The following EP300 variants were observed in gnomAD, a reference collection of about 807,000 sequenced individuals.
EP300 encodes the protein EP300 lysine acetyltransferase.
Under a neutral mutation model 264.0 loss-of-function variants are expected in EP300, and 31 were observed. That is an observed-to-expected ratio of 0.12 (90% CI 0.09 to 0.16). The LOEUF (loss-of-function observed/expected upper bound fraction) is 0.16, where lower values mean the gene tolerates loss of function less well. Ranked by LOEUF, EP300 falls within the 10% of genes least tolerant of loss-of-function variation. The pLI is 1.00. For synonymous variants in EP300, 1,340 were observed against 1,045.4 expected (o/e 1.28, Z -5.44); for missense variants, 2,766 against 3,052.9 (o/e 0.91, Z 2.21).
In EP300 at chr22:41,113,748, G is replaced by A. The variant is rs535010723; in HGVS notation, c.95-3439G>A. 5.7e-3 allele frequency among the ~76,000 whole-genome samples: 874 copies of A among 152,178 alleles called. 8 individuals are homozygous for A. The highest frequency in any genetic ancestry group is 6.1e-3 in the Non-Finnish European group (412 of 67,998). Reference sequence around the variant, plus strand: ...TTTTTAGTAGAGATGGGGTTTCACCGTGTTATCCAGGATGGTCTCGATCTC... The same window carrying A: ...TTTTTAGTAGAGATGGGGTTTCACCATGTTATCCAGGATGGTCTCGATCTC... On this transcript the variant is annotated intron_variant, in intron 1 of 30. Transcript: ENST00000263253.
Position 41,166,676 on chromosome 22 carries a change from A to C in EP300, c.3874+10A>C. The C allele has an allele frequency of 6.2e-7, 1 of 1,606,088 alleles. No individual in the cohort carries two copies. Among genetic ancestry groups the C allele is most frequent in the South Asian group, 1.1e-5 (1 of 89,948 alleles). On this transcript the variant is annotated intron_variant, in intron 23 of 30. Coordinates refer to ENST00000263253, the MANE Select transcript of EP300 (RefSeq NM_001429.4). ...AAGTTTTCTGCTAAAAGTAAGTTTT[A>C]TTCTTAAAGGTAAATTTTGGCAAAA...
chr22:41,147,627 A>G lies in EP300; in HGVS notation c.2132-210A>G, dbSNP rs1031945155. ...GTGGCGGACGCCTGTAGTCCCAGCT[A>G]CTCAGGAGGCTGAGGCAGGAGAATG... is the stretch of plus-strand genomic sequence containing the variant. On this transcript the variant is annotated intron_variant, in intron 11 of 30. Coordinates refer to ENST00000263253, the MANE Select transcript of EP300 (RefSeq NM_001429.4). Among the ~76,000 whole-genome samples the G allele has an allele frequency of 3.9e-5, 6 of 152,068 alleles. No homozygotes were observed. The South Asian group carries it at 6.2e-4, about 16-fold the overall frequency.
At position 41,169,488 on chromosome 22, in the gene EP300, C is replaced by T. The variant is rs1243904367; in HGVS notation, c.4173-15C>T. ...GACTTTTTTTTTCCTCTTCATTTCT[C>T]TTCATTTTGTATAGGAGAGTATACA... is the stretch of plus-strand genomic sequence containing the variant. On this transcript the variant is annotated splice_polypyrimidine_tract_variant and intron_variant, in intron 25 of 30. Transcript: ENST00000263253. 1.3e-6 allele frequency: 2 copies of T among 1,549,470 alleles called. No homozygotes were observed. Among genetic ancestry groups the T allele is most frequent in the East Asian group, 2.2e-5 (1 of 44,568 alleles).
At chr22:41,156,640 G>A (rs919689830) in intron 17 of EP300, among the ~76,000 whole-genome samples, 2 of 152,164 alleles carry the variant, frequency 1.3e-5, no homozygotes, top group African/African-American at 4.8e-5. Flanking sequence ...TGAATAGTTT[G>A]AACGACCCTG....
intron 23 of EP300, among the ~76,000 whole-genome samples, chr22:41,167,313 T>G (rs988023646): frequency 6.6e-6 from 1 of 151,982 alleles, no homozygotes; most frequent in Non-Finnish European, 1.5e-5. Context: ...TTCACACCAT[T>G]TATATGGGCT....
intron 1 of EP300, among the ~76,000 whole-genome samples, chr22:41,102,029 C>CTTTTTTTTTTTT (rs5845488): frequency 1.7e-5 from 2 of 119,262 alleles, no homozygotes; most frequent in Non-Finnish European, 3.5e-5. Context: ...TTTTTCTTTT[C>CTTTTTTTTTTTT]TTTTTTTTTT....
At chr22:41,159,224 A>G (rs190899987) in intron 19 of EP300, 2 of 152,478 alleles carry the variant, frequency 1.3e-5, no homozygotes, top group East Asian at 3.9e-4. Context: ...TGATACAATA[A>G]TAACAAGGCT....
rs983647332 is a variant in EP300, at chr22:41,126,383, G to T, written c.906+343G>T. The T allele has an allele frequency of 1.7e-5, 4 of 235,856 alleles. No homozygotes were observed. In the Admixed American group the frequency reaches 2.0e-4, roughly 12 times the overall value. 14.6% of individuals were successfully genotyped at this position (235,856 alleles called of 1,614,324 possible). On this transcript the variant is annotated intron_variant, in intron 3 of 30. Transcript: ENST00000263253. ...TCACTTTTGGGGGAAGGAATCTCTG[G>T]CAAAGGATCCGAACTCTCAGTGACC... is the stretch of plus-strand genomic sequence containing the variant.
At chr22:41,097,835 CA>C (rs1489568773) in intron 1 of EP300, among the ~76,000 whole-genome samples, 1 of 151,780 alleles carries the variant, frequency 6.6e-6, no homozygotes, top group Non-Finnish European at 1.5e-5. Context: ...GCTGGGACTA[CA>C]GGCGCCTGCC....
chr22:41,092,757 T>A lies in EP300; in HGVS notation c.-248T>A. 1 of 614,716 alleles carries A rather than the reference T, an allele frequency of 1.6e-6. No individual in the cohort carries two copies. The highest frequency in any genetic ancestry group is 2.8e-5 in the East Asian group (1 of 35,914). 38.1% of individuals were successfully genotyped at this position (614,716 alleles called of 1,614,324 possible). On this transcript the variant is annotated 5_prime_UTR_variant, in exon 1 of 31. Transcript: ENST00000263253. ...GCGGACGCGCTCGGCGAATTTGTGC[T>A]CTTGTGCCCTCCTCCGGGCTTGGGC... is the stretch of plus-strand genomic sequence containing the variant.
chr22:41,113,994 G>T (rs1164108885), intron 1 of EP300, among the ~76,000 whole-genome samples: 2 of 152,048 alleles, frequency 1.3e-5, no homozygotes, highest in African/African-American at 4.8e-5. Flanking sequence ...TGTTCAGTAT[G>T]CTAATGATAA....
At chr22:41,169,726 G>A in intron 26 of EP300, 110 bp downstream of exon 26, 1 of 706,892 alleles carries the variant, frequency 1.4e-6, no homozygotes, top group Non-Finnish European at 2.5e-6. Flanking sequence ...CCTCATTTTA[G>A]TTCTTACGTA....
rs1048138769 is a variant in EP300 at position 41,169,534 on chromosome 22, C to T, written c.4204C>T (p.His1402Tyr). The change falls in exon 26 of 31, where the codon CAT becomes TAT. Residue 1402 changes from histidine to tyrosine, a missense_variant. Physicochemically the swap from His to Tyr is moderately conservative, Grantham distance 83. Transcript: ENST00000263253. Reference sequence around the variant, plus strand: ...ATACATATCTTACCTCGATAGTGTTCATTTCTTCCGTCCTAAATGCTTGAG... The same window carrying T: ...ATACATATCTTACCTCGATAGTGTTTATTTCTTCCGTCCTAAATGCTTGAG... Reference protein sequence around the residue: ...RVYISYLDSVHFFRPKCLRTA... With the variant: ...RVYISYLDSVYFFRPKCLRTA... 2 of 1,609,182 alleles carry T rather than the reference C, an allele frequency of 1.2e-6. No homozygotes were observed. Among genetic ancestry groups the T allele is most frequent in the African/African-American group, 2.7e-5 (2 of 74,798 alleles).
intron 11 of EP300, 131 bp downstream of exon 11, chr22:41,146,947 G>C (rs573709254): frequency 2.5e-6 from 2 of 804,630 alleles, no homozygotes; most frequent in African/African-American, 1.7e-5. Flanking sequence ...GGAAGAGGGG[G>C]TGAAGAGCAG....
At chr22:41,100,934 C>G (rs992458743) in intron 1 of EP300, among the ~76,000 whole-genome samples, 1 of 151,874 alleles carries the variant, frequency 6.6e-6, no homozygotes, top group African/African-American at 2.4e-5. Context: ...TCTTATATAT[C>G]CTATCATGTA....
rs60023863 is a variant in EP300, at chr22:41,110,117, G to GCCCCC, written c.95-7063_95-7059dup. Among the ~76,000 whole-genome samples the GCCCCC allele has an allele frequency of 4.4e-4, 29 of 65,542 alleles. 2 individuals carry two copies. Among genetic ancestry groups the GCCCCC allele is most frequent in the South Asian group, 2.5e-3 (3 of 1,220 alleles). The allele number at this position is 65,542 out of a possible 152,430, so 43.0% of individuals were successfully genotyped here. A position where few individuals can be genotyped will look rare whatever the true frequency, so the allele number is the denominator to read the frequency against. On this transcript the variant is annotated intron_variant, in intron 1 of 30. Coordinates refer to ENST00000263253, the MANE Select transcript of EP300 (RefSeq NM_001429.4). ...ACCCACTGTGCCCATCCTGTTCCCT[G>GCCCCC]CCCCCCCCCCCTTTTTTTTTAAGTT...
rs2145732406 is a variant in EP300, at chr22:41,146,788, G to C, written c.2103G>C (p.Gln701His). The stretch of plus-strand genomic sequence containing the variant: ...TGATCCGTGGCAGTGTGCCAAACCA[G>C]ATGATGCCTCGAATAACTCCACAAT... The part of the protein sequence containing the change: ...PSMIRGSVPN[Q>H]MMPRITPQSG... The change falls in exon 11 of 31, where the codon CAG becomes CAC. Residue 701 changes from glutamine to histidine, a missense_variant. Coordinates refer to ENST00000263253, the MANE Select transcript of EP300 (RefSeq NM_001429.4). The C allele has an allele frequency of 6.2e-7, 1 of 1,614,150 alleles. No homozygotes were observed. Among genetic ancestry groups the C allele is most frequent in the Non-Finnish European group, 8.5e-7 (1 of 1,180,024 alleles).
chr22:41,165,806 A>G (rs1280007608), intron 22 of EP300, among the ~76,000 whole-genome samples: 5 of 149,846 alleles, frequency 3.3e-5, no homozygotes, highest in Non-Finnish European at 5.9e-5. Context: ...TCTCACTTTC[A>G]TCACCCAGGC....
rs2058693467 is a variant in EP300 at position 41,094,848 on chromosome 22, G to GT, written c.94+1753dup. 3.9e-5 allele frequency among the ~76,000 whole-genome samples: 6 copies of GT among 152,220 alleles called. No individual in the cohort carries two copies. In the South Asian group the frequency reaches 1.0e-3, roughly 26 times the overall value. Reference sequence around the variant, plus strand: ...ACTTTGAGTAGTCCTGATTTGAGCAGTTTCGTCTTGGAGCTGTATTGTTTA... The same window carrying GT: ...ACTTTGAGTAGTCCTGATTTGAGCAGTTTTCGTCTTGGAGCTGTATTGTTTA... On this transcript the variant is annotated intron_variant, in intron 1 of 30. Transcript: ENST00000263253.
Sources: allele counts gnomAD v4.1 joint callset (sites outside exome capture counted in the v4.1 genomes callset), GRCh38; gene constraint gnomAD v4.1.1; transcripts MANE v1.5; gene names NCBI Gene and HGNC (gene_info 2026-07-23, HGNC 2026-07-21).